The following SPIDR variants were observed in gnomAD, a reference collection of about 807,000 sequenced individuals.
SPIDR encodes the protein scaffold protein involved in DNA repair.
In SPIDR, 93 loss-of-function variants were observed where a neutral mutation model predicts 104.6. The observed-to-expected ratio is 0.89, with a 90% CI of 0.75 to 1.06. SPIDR has a LOEUF of 1.06. Among genes scored for constraint, SPIDR ranks in the 50% least tolerant of loss-of-function variants. SPIDR has a pLI of 0.00. For synonymous variants in SPIDR, 431 were observed against 416.9 expected (o/e 1.03, Z -0.41); for missense variants, 1,154 against 1,111.2 (o/e 1.04, Z -0.55).
chr8:47,366,728 C>A (rs1366922331), intron 5 of SPIDR, among the ~76,000 whole-genome samples: 1 of 152,100 alleles, frequency 6.6e-6, no homozygotes, highest in Admixed American at 6.5e-5. Flanking sequence ...ATGAAATAAT[C>A]AAGTTTAAGT....
At chr8:47,296,757 G>A (rs2040914925) in intron 5 of SPIDR, among the ~76,000 whole-genome samples, 1 of 152,086 alleles carries the variant, frequency 6.6e-6, no homozygotes. Context: ...ATGAGTTTTA[G>A]GATTGTTTTA....
chr8:47,577,701 TA>T (rs2059277512), intron 8 of SPIDR, among the ~76,000 whole-genome samples: 1 of 152,082 alleles, frequency 6.6e-6, no homozygotes, highest in Non-Finnish European at 1.5e-5. Flanking sequence ...TAAAATTAGG[TA>T]GAGGTAAATG....
Position 47,453,103 on chromosome 8 carries a change from C to T in SPIDR, c.1097+12561C>T, listed in dbSNP as rs1044737126. Reference sequence around the variant, plus strand: ...AGAGAGCCAAATCATGAGTGAACTCCCACTCACAGTTGCTTCAAAGAGAAT... The same window carrying T: ...AGAGAGCCAAATCATGAGTGAACTCTCACTCACAGTTGCTTCAAAGAGAAT... On this transcript the variant is annotated intron_variant, in intron 8 of 19. Transcript: ENST00000297423. 1.5e-4 allele frequency among the ~76,000 whole-genome samples: 23 copies of T among 152,108 alleles called. 1 individual carries two copies. The highest frequency in any genetic ancestry group is 6.8e-3 in the Middle Eastern group (2 of 294).
intron 10 of SPIDR, among the ~76,000 whole-genome samples, chr8:47,609,845 G>A (rs920810407): frequency 1.3e-5 from 2 of 152,106 alleles, no homozygotes; most frequent in African/African-American, 4.8e-5. Context: ...GAAAACTGCT[G>A]TGAAAGTTTT....
chr8:47,558,632 C>T lies in SPIDR; in HGVS notation c.1098-37179C>T, dbSNP rs891876471. Reference sequence around the variant, plus strand: ...ACCCTGGATAAGTATCTAGCTTCACCTTTTTTTTTGTTTCTTTGTTTTTTT... The same window carrying T: ...ACCCTGGATAAGTATCTAGCTTCACTTTTTTTTTTGTTTCTTTGTTTTTTT... On this transcript the variant is annotated intron_variant, in intron 8 of 19. Transcript: ENST00000297423. Among the ~76,000 whole-genome samples, 367 of 149,552 alleles carry T rather than the reference C, an allele frequency of 2.5e-3. 1 individual carries two copies. The highest frequency in any genetic ancestry group is 6.5e-3 in the Admixed American group (97 of 14,982).
intron 5 of SPIDR, among the ~76,000 whole-genome samples, chr8:47,338,070 T>C (rs2154271975): frequency 6.6e-6 from 1 of 152,324 alleles, no homozygotes; most frequent in Non-Finnish European, 1.5e-5. Context: ...CTTATTCTTT[T>C]GTGTCTCTAT....
chr8:47,643,614 C>A (rs1225923194), intron 10 of SPIDR, among the ~76,000 whole-genome samples: 2 of 152,144 alleles, frequency 1.3e-5, no homozygotes, highest in Non-Finnish European at 2.9e-5. Flanking sequence ...GATCCTCCCA[C>A]CTTGACCTCC....
chr8:47,508,113 A>C (rs1272088196), intron 8 of SPIDR, among the ~76,000 whole-genome samples: 1 of 152,204 alleles, frequency 6.6e-6, no homozygotes, highest in Non-Finnish European at 1.5e-5. Context: ...TTAACAAGCT[A>C]TTCTCAGGTA....
At chr8:47,642,128 A>G (rs2069142555) in intron 10 of SPIDR, among the ~76,000 whole-genome samples, 1 of 152,166 alleles carries the variant, frequency 6.6e-6, no homozygotes, top group African/African-American at 2.4e-5. Context: ...TTATGGGTCA[A>G]GAATTCGACA....
At chr8:47,660,616 C>T (rs1333847242) in intron 10 of SPIDR, 3 of 621,720 alleles carry the variant, frequency 4.8e-6, no homozygotes, top group East Asian at 2.8e-4. Context: ...GGCAGGGACC[C>T]GCTGTAGACA....
At position 47,319,371 on chromosome 8, in the gene SPIDR, G is replaced by T. The variant is rs184242967; in HGVS notation, c.525+25341G>T. On this transcript the variant is annotated intron_variant, in intron 5 of 19. Transcript: ENST00000297423. ...GCAGGCCATTATGTAATGGTAAAGG[G>T]ATCAATTCAACAAGAAGAGCTAGCT... is the stretch of plus-strand genomic sequence containing the variant. Among the ~76,000 whole-genome samples, 12 of 152,266 alleles carry T rather than the reference G, an allele frequency of 7.9e-5. No homozygotes were observed. In the East Asian group the frequency reaches 2.3e-3, roughly 29 times the overall value.
intron 1 of SPIDR, among the ~76,000 whole-genome samples, chr8:47,265,224 C>CCAGCCCAGG: frequency 7.6e-6 from 1 of 130,772 alleles, no homozygotes; most frequent in South Asian, 2.5e-4. Context: ...CAGTCTTACT[C>CCAGCCCAGG]TGTCGCCCAG....
intron 8 of SPIDR, among the ~76,000 whole-genome samples, chr8:47,528,773 GA>G (rs549590776): frequency 3.2e-4 from 46 of 144,164 alleles, no homozygotes; most frequent in East Asian, 1.2e-3. Flanking sequence ...AAAAAAGAGT[GA>G]AAAAAAAAAG....
intron 8 of SPIDR, among the ~76,000 whole-genome samples, chr8:47,566,498 AGTAGGG>A (rs1355378154): frequency 1.3e-5 from 2 of 152,124 alleles, no homozygotes; most frequent in South Asian, 4.1e-4. Context: ...GCCTCCAGAC[AGTAGGG>A]ATACTCAGTC....
intron 1 of SPIDR, among the ~76,000 whole-genome samples, chr8:47,271,291 A>G (rs2035267231): frequency 6.6e-6 from 1 of 152,036 alleles, no homozygotes; most frequent in Non-Finnish European, 1.5e-5. Flanking sequence ...TGTTTCTTCA[A>G]ATATTCTTTT....
intron 10 of SPIDR, among the ~76,000 whole-genome samples, chr8:47,605,462 T>G (rs1195605409): frequency 6.6e-6 from 1 of 152,230 alleles, no homozygotes; most frequent in Non-Finnish European, 1.5e-5. Flanking sequence ...AGGATGACAA[T>G]GTCCAAATTT....
chr8:47,297,049 G>A (rs1758071279), intron 5 of SPIDR, among the ~76,000 whole-genome samples: 1 of 152,144 alleles, frequency 6.6e-6, no homozygotes, highest in Non-Finnish European at 1.5e-5. Flanking sequence ...TTAGAATAGA[G>A]AAACACTGTA....
At chr8:47,261,274 G>A (rs948343776) in intron 1 of SPIDR, among the ~76,000 whole-genome samples, 2 of 152,246 alleles carry the variant, frequency 1.3e-5, no homozygotes, top group Non-Finnish European at 2.9e-5. Context: ...GGGAGCATAT[G>A]TCCGCCTCGG....
At chr8:47,386,877 GGAGAGA>G (rs1241295166) in intron 5 of SPIDR, among the ~76,000 whole-genome samples, 7 of 100,202 alleles carry the variant, frequency 7.0e-5, no homozygotes, top group African/African-American at 2.3e-4. Context: ...GGGGACGAGG[GGAGAGA>G]GAGAGAGAAA....
Sources: gnomAD v4.1 joint callset for allele counts (sites outside exome capture counted in the v4.1 genomes callset) on GRCh38, gnomAD v4.1.1 for gene constraint, MANE v1.5 for transcripts, NCBI Gene and HGNC (gene_info 2026-07-23, HGNC 2026-07-21) for gene names.